Variants in ATAD2 observed in about 807,000 individuals in gnomAD.
ATAD2 encodes ATPase family AAA domain containing 2.
Under a neutral mutation model 168.9 loss-of-function variants are expected in ATAD2, and 62 were observed. That is an observed-to-expected ratio of 0.37 (90% CI 0.30 to 0.45). ATAD2 has a LOEUF of 0.45. Among genes scored for constraint, ATAD2 ranks in the 20% least tolerant of loss-of-function variants. The pLI, the probability that ATAD2 is intolerant of heterozygous loss-of-function variation, is 1.00. For missense variants in ATAD2, 1,419 were observed against 1,667.8 expected (o/e 0.85, Z 2.60); for synonymous variants, 613 against 571.6 (o/e 1.07, Z -1.03).
rs1813012359 is a variant in ATAD2 at position 123,402,203 on chromosome 8, A to G, written c.-2281-1028T>C. On this transcript the variant is annotated intron_variant, in intron 1 of 28. Transcript: ENST00000521903. The surrounding 1 kb of genome is among the most constrained non-coding windows in gnomAD (Gnocchi z 4.8). ...ATCACTGAGTGGTCCACAGATTTGC[A>G]CTACGGGTTCCCCAGCTCCTTTCCA... is the stretch of plus-strand genomic sequence containing the variant. 1.6e-5 allele frequency: 10 copies of G among 629,400 alleles called. No individual in the cohort carries two copies. The highest frequency in any genetic ancestry group is 2.0e-5 in the Non-Finnish European group (7 of 346,176). The allele number at this position is 629,400 out of a possible 1,614,324, so 39.0% of individuals were successfully genotyped here.
chr8:123,333,840 G>A (rs1254723031), intron 24 of ATAD2, 38 bp downstream of exon 24: 2 of 1,553,246 alleles, frequency 1.3e-6, no homozygotes, highest in African/African-American at 2.7e-5. Flanking sequence ...AAAGAATAAA[G>A]TTATAATTTC....
Position 123,357,748 on chromosome 8 carries a change from T to C in ATAD2, c.1383-12A>G. The C allele has an allele frequency of 6.4e-7, 1 of 1,559,474 alleles. No individual in the cohort carries two copies. The highest frequency in any genetic ancestry group is 8.7e-7 in the Non-Finnish European group (1 of 1,155,856). ...AAAACAAACAACCTCTGTAAAACAA[T>C]ACATTAACATTTTAGTATTACATTT... On this transcript the variant is annotated splice_polypyrimidine_tract_variant and intron_variant, in intron 11 of 27. Transcript: ENST00000287394.
At position 123,325,983 on chromosome 8, in the gene ATAD2, T is replaced by C. The variant is rs1827605498; in HGVS notation, c.3912A>G (p.Val1304=). The C allele has an allele frequency of 6.2e-7, 1 of 1,613,996 alleles. No homozygotes were observed. Among genetic ancestry groups the C allele is most frequent in the South Asian group, 1.1e-5 (1 of 91,088 alleles). ...CAACAGTGATGAGCTGCTGCTGTTC[T>C]ACCTGGGAACGTCTAGCTCGAGTCA... ...LRMTRARRSQ[V]EQQQLITVEK... is the part of the protein sequence containing the mutation. The change falls in exon 26 of 28, where the codon GTA becomes GTG. Residue 1304 remains valine, a synonymous_variant. Coordinates refer to ENST00000287394, the MANE Select transcript of ATAD2 (RefSeq NM_014109.4).
intron 24 of ATAD2, among the ~76,000 whole-genome samples, chr8:123,332,808 G>T (rs1586858629): frequency 6.7e-6 from 1 of 150,172 alleles, no homozygotes; most frequent in Middle Eastern, 3.4e-3. Flanking sequence ...ATCCTGTTGG[G>T]TATCTATCAA....
In ATAD2 at chr8:123,333,913, T is replaced by G. The variant is rs747115390; in HGVS notation, c.3443A>C (p.Lys1148Thr). 2 of 1,614,112 alleles carry G rather than the reference T, an allele frequency of 1.2e-6. No homozygotes were observed. Among genetic ancestry groups the G allele is most frequent in the Non-Finnish European group, 1.7e-6 (2 of 1,179,992 alleles). ...RSDPEQNEKL[K>T]TPSTPVACST... ...GCAAGCCACAGGAGTACTCGGTGTC[T>G]TTAGCTTTTCATTCTGCTCTGGGTC... Residue 1148 changes from lysine (K) to threonine (T), a missense_variant, in exon 24 of 28, where the codon AAG becomes ACG. Transcript: ENST00000287394.
At chr8:123,389,985 T>TATATATATATATATA (rs1554647643) in intron 1 of ATAD2, among the ~76,000 whole-genome samples, 10 of 70,812 alleles carry the variant, frequency 1.4e-4, no homozygotes, top group Non-Finnish European at 2.2e-4. Context: ...TATATATATA[T>TATATATATATATATA]TTTTTTTTTT....
chr8:123,373,309 A>G (rs1829205135), intron 2 of ATAD2, among the ~76,000 whole-genome samples: 1 of 152,042 alleles, frequency 6.6e-6, no homozygotes, highest in South Asian at 2.1e-4. Flanking sequence ...TTAGCCTCCC[A>G]AAGTGCTAGG....
At chr8:123,406,271 G>A (rs932502521) in intron 1 of ATAD2, among the ~76,000 whole-genome samples, 24 of 151,340 alleles carry the variant, frequency 1.6e-4, no homozygotes, top group African/African-American at 5.6e-4. Context: ...CAGCTACTTG[G>A]GAGGCTGAGA....
chr8:123,401,643 G>C, intron 1 of ATAD2: 1 of 877,742 alleles, frequency 1.1e-6, no homozygotes, highest in Non-Finnish European at 1.9e-6. Context: ...CGGCACTTTG[G>C]TGTGCCCATC....
chr8:123,403,288 C>T (rs781674114), intron 1 of ATAD2, among the ~76,000 whole-genome samples: 8 of 152,014 alleles, frequency 5.3e-5, no homozygotes, highest in South Asian at 2.1e-4. Context: ...TTCGTGGAGA[C>T]GGGGTTTTGC....
At chr8:123,380,499 T>C (rs1829462885) in intron 2 of ATAD2, 30 bp downstream of exon 2, 1 of 1,606,626 alleles carries the variant, frequency 6.2e-7, no homozygotes, top group South Asian at 1.1e-5. Flanking sequence ...TAAAACTATT[T>C]TGAATTAGTG....
chr8:123,370,059 C>A (rs775336875), intron 6 of ATAD2, 35 bp from the exon 7 acceptor site: 1 of 1,581,488 alleles, frequency 6.3e-7, no homozygotes, highest in Non-Finnish European at 8.6e-7. Flanking sequence ...CAGAAAGATA[C>A]TCAGCAAAAT....
intron 1 of ATAD2, among the ~76,000 whole-genome samples, chr8:123,408,378 G>A (rs1813096536): frequency 6.6e-6 from 1 of 152,176 alleles, no homozygotes; most frequent in Admixed American, 6.5e-5. Context: ...ACCAGCCAAT[G>A]GGCTGCTCCT....
chr8:123,345,989 C>A, intron 18 of ATAD2, 97 bp downstream of exon 18: 2 of 1,014,454 alleles, frequency 2.0e-6, no homozygotes, highest in Non-Finnish European at 2.7e-6. Flanking sequence ...AGTTACAAAT[C>A]AGAAAGACAA....
chr8:123,395,952 G>C (rs1290123531), intron 1 of ATAD2, among the ~76,000 whole-genome samples: 1 of 152,190 alleles, frequency 6.6e-6, no homozygotes, highest in African/African-American at 2.4e-5. Context: ...ATTTCCTCTT[G>C]CGTAAAAGTA....
At chr8:123,343,907 G>C (rs1261306657) in intron 19 of ATAD2, among the ~76,000 whole-genome samples, 1 of 152,198 alleles carries the variant, frequency 6.6e-6, no homozygotes, top group Admixed American at 6.5e-5. Context: ...AATGATGACA[G>C]GCAAGTATGT....
intron 1 of ATAD2, among the ~76,000 whole-genome samples, chr8:123,409,940 G>GGA (rs1554649218): frequency 9.7e-6 from 1 of 102,882 alleles, no homozygotes; most frequent in African/African-American, 3.9e-5. Flanking sequence ...CTCCATCTCG[G>GGA]AAAAAAAAAA....
intron 1 of ATAD2, among the ~76,000 whole-genome samples, chr8:123,408,586 G>A (rs545868169): frequency 3.3e-5 from 5 of 152,076 alleles, no homozygotes; most frequent in East Asian, 3.9e-4. Context: ...GCACGTTCTC[G>A]GCTCACTGAA....
chr8:123,406,339 C>T (rs1021280530), intron 1 of ATAD2, among the ~76,000 whole-genome samples: 3 of 139,640 alleles, frequency 2.1e-5, no homozygotes, highest in Non-Finnish European at 3.0e-5. Flanking sequence ...AAGATCACAC[C>T]ACTGCACTCC....
Sources: gnomAD v4.1 joint callset for allele counts (sites outside exome capture counted in the v4.1 genomes callset) on GRCh38, gnomAD v4.1.1 for gene constraint, Gnocchi (gnomAD v3.1) non-coding constraint, MANE v1.5 for transcripts, NCBI Gene and HGNC (gene_info 2026-07-23, HGNC 2026-07-21) for gene names.